The following ARHGEF12 variants were observed in gnomAD, a reference collection of about 807,000 sequenced individuals.
The protein encoded by ARHGEF12 is KMT2A/ARHGEF12 fusion protein.
A neutral mutation model predicts 211.2 loss-of-function variants in ARHGEF12; 66 were observed. That is an observed-to-expected ratio of 0.31 (90% confidence interval 0.26 to 0.38). ARHGEF12 has a LOEUF of 0.38. Ranked by LOEUF, ARHGEF12 falls within the 10% of genes least tolerant of loss-of-function variation. ARHGEF12 has a pLI of 1.00. For synonymous variants in ARHGEF12, 592 were observed against 638.4 expected (o/e 0.93, Z 1.09); for missense variants, 1,429 against 1,869.5 (o/e 0.76, Z 4.34).
intron 14 of ARHGEF12, 75 bp from the exon 15 acceptor site, chr11:120,442,029 A>G (rs2135786102): frequency 2.8e-6 from 3 of 1,083,076 alleles, no homozygotes; most frequent in Non-Finnish European, 4.0e-6. Context: ...AGACATTCCT[A>G]CTCAATGGTG....
intron 1 of ARHGEF12, among the ~76,000 whole-genome samples, chr11:120,345,697 G>C (rs543556766): frequency 8.1e-5 from 6 of 73,940 alleles, no homozygotes; most frequent in Admixed American, 2.4e-4. Context: ...GCGAGACTCC[G>C]TCTCAAAAAA....
intron 1 of ARHGEF12, among the ~76,000 whole-genome samples, chr11:120,347,145 TTCCTTCCTTCCTTCCTTCCTTCCTTCC>T (rs1199677273): frequency 1.4e-4 from 13 of 93,096 alleles, no homozygotes; most frequent in African/African-American, 5.4e-4. Context: ...CCTTCCTTCC[TTCCTTCCTTCCTTCCTTCCTTCCTTCC>T]TTCCTTCCTT....
At chr11:120,471,333 G>C (rs972014951) in intron 30 of ARHGEF12, among the ~76,000 whole-genome samples, 1 of 152,090 alleles carries the variant, frequency 6.6e-6, no homozygotes, top group Non-Finnish European at 1.5e-5. Context: ...CAAACATGCT[G>C]AGTGGAAAAA....
At chr11:120,411,708 G>A (rs1944888062) in intron 4 of ARHGEF12, 1 of 141,870 alleles carries the variant, frequency 7.0e-6, no homozygotes, top group Non-Finnish European at 1.5e-5. Flanking sequence ...TCCTACCTAA[G>A]ACTCCAAAGT....
rs1286908040 is a variant in ARHGEF12 at position 120,424,344 on chromosome 11, T to C, written c.349-14T>C. The C allele has an allele frequency of 1.2e-5, 20 of 1,609,040 alleles. No individual in the cohort carries two copies. The highest frequency in any genetic ancestry group is 1.7e-5 in the Admixed American group (1 of 59,814). On this transcript the variant is annotated splice_polypyrimidine_tract_variant and intron_variant, in intron 6 of 40. Transcript: ENST00000397843. The stretch of plus-strand genomic sequence containing the variant: ...AGAATGTATCTGACATACACTACTT[T>C]CGTTTTCTTACAGGTGAATGGAACT...
intron 30 of ARHGEF12, among the ~76,000 whole-genome samples, chr11:120,471,063 A>G (rs369799396): frequency 7.2e-5 from 11 of 152,354 alleles, no homozygotes; most frequent in Admixed American, 4.6e-4. Flanking sequence ...TAACTTTAGT[A>G]GGAACACCAA....
intron 1 of ARHGEF12, among the ~76,000 whole-genome samples, chr11:120,391,240 C>T (rs1353140407): frequency 1.3e-5 from 2 of 152,202 alleles, no homozygotes; most frequent in Admixed American, 1.3e-4. Flanking sequence ...TGGTTCATCT[C>T]TTCCTTATAT....
chr11:120,377,125 T>G (rs1231524394), intron 1 of ARHGEF12, among the ~76,000 whole-genome samples: 1 of 152,212 alleles, frequency 6.6e-6, no homozygotes, highest in Non-Finnish European at 1.5e-5. Context: ...CTCTTTGATA[T>G]ACTGACTTCC....
Position 120,448,222 on chromosome 11 carries a change from T to C in ARHGEF12, c.1623-12T>C. On this transcript the variant is annotated splice_polypyrimidine_tract_variant and intron_variant, in intron 19 of 40. Coordinates refer to ENST00000397843, the MANE Select transcript of ARHGEF12 (RefSeq NM_015313.3). Reference sequence around the variant, plus strand: ...TCAGAAGTCTTAATTTACTTCGTCCTTTCTCCTCCAGCTCCACCATGCAGT... The same window carrying C: ...TCAGAAGTCTTAATTTACTTCGTCCCTTCTCCTCCAGCTCCACCATGCAGT... 2 of 1,594,506 alleles carry C rather than the reference T, an allele frequency of 1.3e-6. No individual in the cohort carries two copies. The highest frequency in any genetic ancestry group is 2.2e-5 in the South Asian group (2 of 89,222).
Position 120,356,907 on chromosome 11 carries a change from T to G in ARHGEF12, c.32+19632T>G, listed in dbSNP as rs545340299. 1.1e-4 allele frequency among the ~76,000 whole-genome samples: 17 copies of G among 152,342 alleles called. No individual in the cohort carries two copies. In the South Asian group the frequency reaches 3.3e-3, roughly 30 times the overall value. On this transcript the variant is annotated intron_variant, in intron 1 of 40. Coordinates refer to ENST00000397843, the MANE Select transcript of ARHGEF12 (RefSeq NM_015313.3). ...TATTTTACTTAATTCTCACAATTAC[T>G]CTGTGAGGTATTCACAGGTGAAGAA...
chr11:120,440,267 ATATC>A, intron 13 of ARHGEF12, 46 bp downstream of exon 13: 1 of 1,491,226 alleles, frequency 6.7e-7, no homozygotes, highest in Non-Finnish European at 9.3e-7. Context: ...ACTTTCTGCA[ATATC>A]TGATTTGTTG....
At chr11:120,448,598 C>T (rs961917209) in intron 20 of ARHGEF12, 29 of 489,520 alleles carry the variant, frequency 5.9e-5, no homozygotes, top group Non-Finnish European at 8.6e-5. Flanking sequence ...TGATTCTGTT[C>T]ATGCCTTATA....
Position 120,478,609 on chromosome 11 carries a change from G to A in ARHGEF12, c.3766+220G>A, listed in dbSNP as rs866597885. 1.1e-4 allele frequency among the ~76,000 whole-genome samples: 17 copies of A among 152,202 alleles called. No homozygotes were observed. The South Asian group carries it at 2.1e-3, about 19-fold the overall frequency. On this transcript the variant is annotated intron_variant, in intron 37 of 40. Transcript: ENST00000397843. Reference sequence around the variant, plus strand: ...GTTCAGAATCACTGTTAAAATGGGAGGATAGCATATCTCTCAGTTGTATTG... The same window carrying A: ...GTTCAGAATCACTGTTAAAATGGGAAGATAGCATATCTCTCAGTTGTATTG...
intron 1 of ARHGEF12, among the ~76,000 whole-genome samples, chr11:120,348,805 C>T (rs1040119376): frequency 6.6e-6 from 1 of 152,118 alleles, no homozygotes; most frequent in Admixed American, 6.5e-5. Context: ...CATGCCACTG[C>T]ACTCCAGCCT....
chr11:120,479,676 C>G (rs1450321224), intron 37 of ARHGEF12, among the ~76,000 whole-genome samples: 1 of 152,090 alleles, frequency 6.6e-6, no homozygotes, highest in African/African-American at 2.4e-5. Context: ...TTGAGGAGTT[C>G]TAAATAGTAG....
At chr11:120,412,455 A>G (rs1417362478) in intron 4 of ARHGEF12, among the ~76,000 whole-genome samples, 2 of 152,382 alleles carry the variant, frequency 1.3e-5, no homozygotes, top group East Asian at 3.9e-4. Flanking sequence ...TCAGGTCAGA[A>G]GATTCCCTTG....
chr11:120,465,468 G>T, intron 28 of ARHGEF12, 106 bp downstream of exon 28: 1 of 1,443,820 alleles, frequency 6.9e-7, no homozygotes, highest in African/African-American at 1.4e-5. Context: ...TTACATCTGT[G>T]TTAACTTTTT....
At chr11:120,431,726 CT>C in intron 10 of ARHGEF12, 44 bp from the exon 11 acceptor site, 2 of 1,509,398 alleles carry the variant, frequency 1.3e-6, no homozygotes, top group East Asian at 2.3e-5. Context: ...TGAAAGTTTT[CT>C]TTTATGTGTT....
intron 40 of ARHGEF12, among the ~76,000 whole-genome samples, chr11:120,484,735 C>T (rs1591653117): frequency 6.6e-6 from 1 of 152,240 alleles, no homozygotes; most frequent in African/African-American, 2.4e-5. Context: ...CCTCTTCTCT[C>T]TCTTTTCACC....
Sources: gnomAD v4.1 joint callset for allele counts (sites outside exome capture counted in the v4.1 genomes callset) on GRCh38, gnomAD v4.1.1 for gene constraint, MANE v1.5 for transcripts, NCBI Gene and HGNC (gene_info 2026-07-23, HGNC 2026-07-21) for gene names.